The following HYDIN variants were observed in gnomAD, a reference collection of about 807,000 sequenced individuals.
The protein encoded by HYDIN is HYDIN axonemal central pair apparatus protein.
In HYDIN, 132 loss-of-function variants were observed where a neutral mutation model predicts 403.9. That is an observed-to-expected ratio of 0.33 (90% CI 0.28 to 0.38). HYDIN has a LOEUF of 0.38. HYDIN is among the 10% of genes least tolerant of loss of function. HYDIN has a pLI of 1.00. For synonymous variants in HYDIN, 1,202 were observed against 1,891.7 expected (o/e 0.64, Z 9.46); for missense variants, 2,827 against 5,009.5 (o/e 0.56, Z 13.15).
At chr16:71,168,814 A>G (rs2086350200) in intron 5 of HYDIN, among the ~76,000 whole-genome samples, 1 of 152,210 alleles carries the variant, frequency 6.6e-6, no homozygotes, top group South Asian at 2.1e-4. Flanking sequence ...CGACACTTAC[A>G]TGCAGCTGTA....
chr16:71,187,762 A>G (rs908838415), intron 1 of HYDIN, among the ~76,000 whole-genome samples: 4 of 152,164 alleles, frequency 2.6e-5, no homozygotes, highest in African/African-American at 9.7e-5. Context: ...GGAAAATGTA[A>G]TAAGGCACAC....
At position 71,211,790 on chromosome 16, in the gene HYDIN, G is replaced by T. The variant is rs111760915; in HGVS notation, c.-24+18772C>A. Among the ~76,000 whole-genome samples, 1,219 of 152,066 alleles carry T rather than the reference G, an allele frequency of 8.0e-3. 14 individuals carry two copies. Among genetic ancestry groups the T allele is most frequent in the African/African-American group, 0.028 (1,158 of 41,494 alleles). ...AACACAAGAAAGTAAGACACCATGA[G>T]CAAAAATTTGCAGAAACTAAAGATA... On this transcript the variant is annotated intron_variant, in intron 1 of 85. Transcript: ENST00000393567.
chr16:71,198,453 A>G (rs1381278200), intron 1 of HYDIN, among the ~76,000 whole-genome samples: 2 of 152,194 alleles, frequency 1.3e-5, no homozygotes, highest in East Asian at 3.9e-4. Context: ...GTCCTCCCCC[A>G]TCTCTTGCTT....
chr16:70,893,764 A>G (rs1484898183), intron 55 of HYDIN: 2 of 151,364 alleles, frequency 1.3e-5, no homozygotes, highest in African/African-American at 4.9e-5. Flanking sequence ...GGCTCAAGCA[A>G]TCTGCCTGCC....
intron 60 of HYDIN, among the ~76,000 whole-genome samples, chr16:70,880,790 A>G (rs2040749161): frequency 6.6e-6 from 1 of 152,154 alleles, no homozygotes; most frequent in Non-Finnish European, 1.5e-5. Context: ...GGGATTCAAG[A>G]CTGACTATTC....
chr16:71,037,567 GCGGT>G (rs1378051858), intron 18 of HYDIN, among the ~76,000 whole-genome samples: 1 of 151,268 alleles, frequency 6.6e-6, no homozygotes, highest in Non-Finnish European at 1.5e-5. Flanking sequence ...ATTATCCTCA[GCGGT>G]CGTGACTTAA....
At chr16:71,040,783 C>T (rs1451246627) in intron 18 of HYDIN, among the ~76,000 whole-genome samples, 8 of 115,846 alleles carry the variant, frequency 6.9e-5, no homozygotes, top group Non-Finnish European at 1.1e-4. Flanking sequence ...GCTTAGTTTC[C>T]GGGACACCAG....
intron 9 of HYDIN, among the ~76,000 whole-genome samples, chr16:71,125,983 C>A (rs182827676): frequency 2.0e-5 from 3 of 151,624 alleles, no homozygotes; most frequent in South Asian, 4.2e-4. Flanking sequence ...ACATGGACCC[C>A]AGTGGATGCT....
chr16:71,051,527 T>G (rs111468672), intron 18 of HYDIN, among the ~76,000 whole-genome samples: 8,669 of 151,552 alleles, frequency 0.057, 207 homozygotes, highest in Non-Finnish European at 0.088. Flanking sequence ...GCGCCTGTAG[T>G]CCCAGCTACT....
Position 70,943,893 on chromosome 16 carries a change from G to T in HYDIN, c.6588C>A (p.Pro2196=), listed in dbSNP as rs368915859. Residue 2196 remains proline (P), a synonymous_variant, in exon 42 of 86, where the codon CCC becomes CCA. Coordinates refer to ENST00000393567, the MANE Select transcript of HYDIN (RefSeq NM_001270974.2). Reference sequence around the variant, plus strand: ...TCAGCCCGGTCTCGCCTCCGACACTGGGACTAACACTGAGCCAGCGGTGGA... The same window carrying T: ...TCAGCCCGGTCTCGCCTCCGACACTTGGACTAACACTGAGCCAGCGGTGGA... ...GPIHRWLSVS[P]SVGGETGLMS... is the part of the protein sequence containing the mutation. 1 of 1,613,698 alleles carries T rather than the reference G, an allele frequency of 6.2e-7. No individual in the cohort carries two copies. Among genetic ancestry groups the T allele is most frequent in the African/African-American group, 1.3e-5 (1 of 75,060 alleles).
rs796099242 is a variant in HYDIN at position 70,920,468 on chromosome 16, G to A, written c.7785+123C>T. On this transcript the variant is annotated intron_variant, in intron 46 of 85. Transcript: ENST00000393567. ...TCATTATTGTCTTAATTCCAAGGGGGCATTAGAGATGCATGCAGTTGAGGG... is the reference window on the plus strand; with the variant it reads ...TCATTATTGTCTTAATTCCAAGGGGACATTAGAGATGCATGCAGTTGAGGG... 1.1e-5 allele frequency: 7 copies of A among 642,138 alleles called. No individual in the cohort carries two copies. The African/African-American group carries it at 1.3e-4, about 12-fold the overall frequency. The allele number at this position is 642,138 out of a possible 1,614,324, so 39.8% of individuals were successfully genotyped here.
chr16:71,043,504 A>T (rs1051270295), intron 18 of HYDIN, among the ~76,000 whole-genome samples: 2 of 145,514 alleles, frequency 1.4e-5, no homozygotes, highest in African/African-American at 5.0e-5. Context: ...ATAGTTCCTC[A>T]ATTTTATTTT....
At chr16:70,954,496 C>T (rs921004938) in intron 40 of HYDIN, among the ~76,000 whole-genome samples, 5 of 151,968 alleles carry the variant, frequency 3.3e-5, no homozygotes, top group Admixed American at 2.0e-4. Flanking sequence ...AAACAACCCC[C>T]CTCCCCCAAA....
intron 18 of HYDIN, among the ~76,000 whole-genome samples, chr16:71,034,048 T>G (rs1197286498): frequency 3.3e-5 from 5 of 151,936 alleles, no homozygotes; most frequent in African/African-American, 1.2e-4. Flanking sequence ...TATTCCTTCA[T>G]GAATCTTCCT....
intron 41 of HYDIN, among the ~76,000 whole-genome samples, chr16:70,949,562 C>T (rs966159241): frequency 1.3e-5 from 2 of 152,136 alleles, no homozygotes; most frequent in Admixed American, 6.6e-5. Context: ...AGCTTATGGG[C>T]CACATCTTCA....
intron 41 of HYDIN, among the ~76,000 whole-genome samples, chr16:70,945,611 C>G (rs2077831455): frequency 1.3e-5 from 2 of 152,132 alleles, no homozygotes; most frequent in African/African-American, 4.8e-5. Flanking sequence ...TCCCAGGCTA[C>G]TCCAATGACT....
At chr16:70,826,813 A>T in intron 83 of HYDIN, among the ~76,000 whole-genome samples, 1 of 129,852 alleles carries the variant, frequency 7.7e-6, no homozygotes, top group South Asian at 2.5e-4. Flanking sequence ...TCCCCAAGTG[A>T]TTCTATCCCA....
rs1377760600 is a variant in HYDIN, at chr16:70,862,267, C to G, written c.11570-12G>C. 1.2e-6 allele frequency: 2 copies of G among 1,600,264 alleles called. No homozygotes were observed. Among genetic ancestry groups the G allele is most frequent in the Admixed American group, 1.7e-5 (1 of 58,788 alleles). On this transcript the variant is annotated splice_polypyrimidine_tract_variant and intron_variant, in intron 68 of 85. Transcript: ENST00000393567. Reference sequence around the variant, plus strand: ...TTTTTGAGCTGAACCTGGGGACAGACAGGGAGTGGGTGATATTCTGCATTT... The same window carrying G: ...TTTTTGAGCTGAACCTGGGGACAGAGAGGGAGTGGGTGATATTCTGCATTT...
In HYDIN at chr16:71,178,297, T is replaced by G. The variant is rs565412572; in HGVS notation, c.381+631A>C. ...AGTTGCGTGTGGTGGCGCATGCCTG[T>G]AGTCCCAGCTACTGGGGAGGCTGAG... On this transcript the variant is annotated intron_variant, in intron 4 of 85. Coordinates refer to ENST00000393567, the MANE Select transcript of HYDIN (RefSeq NM_001270974.2). Among the ~76,000 whole-genome samples the G allele has an allele frequency of 3.3e-5, 5 of 151,600 alleles. No individual in the cohort carries two copies. The East Asian group carries it at 9.8e-4, about 30-fold the overall frequency.
Sources: allele counts gnomAD v4.1 joint callset (sites outside exome capture counted in the v4.1 genomes callset), GRCh38; gene constraint gnomAD v4.1.1; transcripts MANE v1.5; gene names NCBI Gene and HGNC (gene_info 2026-07-23, HGNC 2026-07-21).